The following UVRAG variants were observed in gnomAD, a reference collection of about 807,000 sequenced individuals.
UVRAG encodes the protein UV radiation resistance associated.
In UVRAG, 19 loss-of-function variants were observed where a neutral mutation model predicts 78.0. The observed-to-expected ratio is 0.24, with a 90% CI of 0.17 to 0.36. UVRAG has a LOEUF of 0.36. Ranked by LOEUF, UVRAG falls within the 10% of genes least tolerant of loss-of-function variation. The pLI, the probability that UVRAG is intolerant of heterozygous loss-of-function variation, is 1.00. For missense variants in UVRAG, 740 were observed against 853.8 expected, an observed-to-expected ratio of 0.87 and a Z score of 1.66; for synonymous variants, 323 against 324.6, an observed-to-expected ratio of 1.00 and a Z score of 0.05.
At chr11:76,127,348 G>C (rs1257122321) in intron 14 of UVRAG, among the ~76,000 whole-genome samples, 1 of 152,150 alleles carries the variant, frequency 6.6e-6, no homozygotes, top group African/African-American at 2.4e-5. Flanking sequence ...AGGAGTTAAA[G>C]AAATGAGTTA....
At chr11:75,863,790 TCA>T (rs1166569006) in intron 3 of UVRAG, among the ~76,000 whole-genome samples, 3 of 152,212 alleles carry the variant, frequency 2.0e-5, no homozygotes, top group Non-Finnish European at 4.4e-5. Context: ...CCCTTTCAAC[TCA>T]CAGTTTATAC....
intron 6 of UVRAG, among the ~76,000 whole-genome samples, chr11:75,942,953 C>T (rs1236841655): frequency 2.0e-5 from 3 of 152,130 alleles, no homozygotes; most frequent in East Asian, 1.9e-4. Context: ...CCCAGCTACT[C>T]GGGAGGCTGA....
At chr11:76,129,352 C>T (rs1011884127) in intron 14 of UVRAG, among the ~76,000 whole-genome samples, 7 of 152,190 alleles carry the variant, frequency 4.6e-5, no homozygotes, top group Non-Finnish European at 7.3e-5. Flanking sequence ...TTTCTTCATT[C>T]CTCTCTGAAT....
intron 1 of UVRAG, among the ~76,000 whole-genome samples, chr11:75,816,195 A>G (rs924083231): frequency 6.6e-6 from 1 of 152,064 alleles, no homozygotes; most frequent in African/African-American, 2.4e-5. Context: ...TTTGATGTAT[A>G]TATTCATGTG....
chr11:75,975,280 A>G (rs1310777918), intron 7 of UVRAG, among the ~76,000 whole-genome samples: 2 of 152,130 alleles, frequency 1.3e-5, no homozygotes, highest in Non-Finnish European at 2.9e-5. Flanking sequence ...CTTGTAGTAT[A>G]GTTTGAAGTC....
chr11:75,881,845 G>C (rs560121637), intron 4 of UVRAG, among the ~76,000 whole-genome samples: 2 of 152,296 alleles, frequency 1.3e-5, no homozygotes, highest in African/African-American at 2.4e-5. Flanking sequence ...ACCTTGTGAA[G>C]TTTGATATTA....
At chr11:76,067,603 C>G (rs1268155633) in intron 13 of UVRAG, among the ~76,000 whole-genome samples, 1 of 152,014 alleles carries the variant, frequency 6.6e-6, no homozygotes, top group African/African-American at 2.4e-5. Flanking sequence ...CTAAAAAATA[C>G]AAAAATTAGC....
At chr11:75,912,848 G>A (rs1473342610) in intron 6 of UVRAG, among the ~76,000 whole-genome samples, 1 of 152,214 alleles carries the variant, frequency 6.6e-6, no homozygotes, top group Non-Finnish European at 1.5e-5. Flanking sequence ...TTGGCCTTTC[G>A]TTTGTGAAAC....
At chr11:75,862,011 C>T (rs1234938927) in intron 3 of UVRAG, among the ~76,000 whole-genome samples, 4 of 152,012 alleles carry the variant, frequency 2.6e-5, no homozygotes, top group Non-Finnish European at 5.9e-5. Context: ...GTGTAGCACA[C>T]CGACATGGCA....
At chr11:75,948,033 A>G (rs930469544) in intron 6 of UVRAG, among the ~76,000 whole-genome samples, 1 of 152,186 alleles carries the variant, frequency 6.6e-6, no homozygotes, top group African/African-American at 2.4e-5. Context: ...TTGCCAGGCT[A>G]AAACAACAGA....
intron 13 of UVRAG, among the ~76,000 whole-genome samples, chr11:76,084,318 T>C (rs981863668): frequency 7.2e-5 from 11 of 152,238 alleles, no homozygotes; most frequent in Admixed American, 3.3e-4. Context: ...CTTATTTATT[T>C]CTATAAAGGC....
rs139823330 is a variant in UVRAG, at chr11:75,845,095, G to A, written c.118-6788G>A. The stretch of plus-strand genomic sequence containing the variant: ...CCCACTCCCAACATTTCAGGTAGTT[G>A]AATTGTGCCCTATAATCTGTCTGTC... On this transcript the variant is annotated intron_variant, in intron 1 of 14. Transcript: ENST00000356136. Among the ~76,000 whole-genome samples, 865 of 152,286 alleles carry A rather than the reference G, an allele frequency of 5.7e-3. 8 individuals carry two copies. The highest frequency in any genetic ancestry group is 0.019 in the African/African-American group (797 of 41,562).
intron 8 of UVRAG, among the ~76,000 whole-genome samples, chr11:75,998,608 AAGAC>A (rs1565111838): frequency 6.6e-6 from 1 of 152,212 alleles, no homozygotes; most frequent in Non-Finnish European, 1.5e-5. Context: ...AGTGTAAGGA[AAGAC>A]AGACAACCTC....
intron 3 of UVRAG, among the ~76,000 whole-genome samples, chr11:75,873,586 A>G (rs1420244970): frequency 6.6e-6 from 1 of 152,196 alleles, no homozygotes; most frequent in African/African-American, 2.4e-5. Context: ...GGGTCCCACC[A>G]GAGGCTCTCA....
intron 13 of UVRAG, among the ~76,000 whole-genome samples, chr11:76,084,694 C>G (rs4438062): frequency 6.6e-6 from 1 of 151,980 alleles, no homozygotes; most frequent in Admixed American, 6.5e-5. Context: ...ATATACTATA[C>G]TAGGCTCTGG....
intron 2 of UVRAG, among the ~76,000 whole-genome samples, chr11:75,859,332 C>T (rs1330931517): frequency 2.0e-5 from 3 of 151,180 alleles, no homozygotes; most frequent in South Asian, 2.1e-4. Flanking sequence ...GCCGAGATCA[C>T]GCCACTGCAC....
chr11:75,840,250 A>G (rs148595278), intron 1 of UVRAG, among the ~76,000 whole-genome samples: 1 of 152,004 alleles, frequency 6.6e-6, no homozygotes, highest in Non-Finnish European at 1.5e-5. Flanking sequence ...GTAAGATCAT[A>G]TACTCTGAAA....
chr11:75,959,033 A>G (rs1433746254), intron 6 of UVRAG, among the ~76,000 whole-genome samples: 1 of 152,202 alleles, frequency 6.6e-6, no homozygotes, highest in Non-Finnish European at 1.5e-5. Flanking sequence ...ACCATGCTGT[A>G]AACAGATACA....
intron 12 of UVRAG, among the ~76,000 whole-genome samples, chr11:76,043,826 T>TAC (rs1221763904): frequency 1.3e-5 from 2 of 152,206 alleles, no homozygotes; most frequent in African/African-American, 4.8e-5. Context: ...TGGTTAAAAA[T>TAC]ACACACTGTG....
Sources: gnomAD v4.1 joint callset for allele counts (sites outside exome capture counted in the v4.1 genomes callset) on GRCh38, gnomAD v4.1.1 for gene constraint, MANE v1.5 for transcripts, NCBI Gene and HGNC (gene_info 2026-07-23, HGNC 2026-07-21) for gene names.